The following PCBP3 variants were observed in gnomAD, a reference collection of about 807,000 sequenced individuals.
PCBP3 encodes the protein poly(rC)-binding protein 3.
A neutral mutation model predicts 52.7 loss-of-function variants in PCBP3; 25 were observed. The observed-to-expected ratio is 0.47, with a 90% CI of 0.35 to 0.66. PCBP3 has a LOEUF of 0.66. Ranked by LOEUF, PCBP3 falls within the 30% of genes least tolerant of loss-of-function variation. The pLI is 0.01. For synonymous variants in PCBP3, 162 were observed against 183.0 expected, an observed-to-expected ratio of 0.89 and a Z score of 0.93; for missense variants, 391 against 490.3, an observed-to-expected ratio of 0.80 and a Z score of 1.91.
At position 45,704,017 on chromosome 21, in the gene PCBP3, A is replaced by C. The variant is rs879481390; in HGVS notation, c.-199-31375A>C. ...GAGGTTGCGAGTGGTTGATGGATGAAATTACCAAGTAGGGAGTACAAGGAG... is the reference window on the plus strand; with the variant it reads ...GAGGTTGCGAGTGGTTGATGGATGACATTACCAAGTAGGGAGTACAAGGAG... On this transcript the variant is annotated intron_variant, in intron 2 of 17. Coordinates refer to ENST00000681687, the MANE Select transcript of PCBP3 (RefSeq NM_001384156.1). The surrounding 1 kb of genome is among the most constrained non-coding windows in gnomAD (Gnocchi z 4.1). 4.6e-5 allele frequency among the ~76,000 whole-genome samples: 7 copies of C among 152,118 alleles called. No individual in the cohort carries two copies. The highest frequency in any genetic ancestry group is 1.3e-4 in the Admixed American group (2 of 15,272).
At chr21:45,814,032 C>A (rs1424336964) in intron 4 of PCBP3, among the ~76,000 whole-genome samples, 1 of 152,232 alleles carries the variant, frequency 6.6e-6, no homozygotes, top group Non-Finnish European at 1.5e-5. Context: ...TGGTGCAGCC[C>A]ACTACACACC....
chr21:45,797,872 A>C (rs74474116), intron 4 of PCBP3, among the ~76,000 whole-genome samples: 26 of 47,960 alleles, frequency 5.4e-4, no homozygotes, highest in South Asian at 1.3e-3. Context: ...ATGGATCCAT[A>C]GAGAGAGTGA....
At chr21:45,740,761 CAT>C (rs933342125) in intron 3 of PCBP3, among the ~76,000 whole-genome samples, 11 of 151,792 alleles carry the variant, frequency 7.2e-5, no homozygotes, top group South Asian at 6.3e-4. Flanking sequence ...AAGGTGTGTG[CAT>C]GTGTGTGTGG....
At chr21:45,682,883 C>T (rs934574141) in intron 2 of PCBP3, among the ~76,000 whole-genome samples, 1 of 152,098 alleles carries the variant, frequency 6.6e-6, no homozygotes, top group Non-Finnish European at 1.5e-5. Flanking sequence ...AAAAGATAAA[C>T]TGGAGATTCA....
At chr21:45,665,367 C>T (rs2080727382) in intron 1 of PCBP3, among the ~76,000 whole-genome samples, 1 of 152,000 alleles carries the variant, frequency 6.6e-6, no homozygotes, top group South Asian at 2.1e-4. Context: ...TTGATCACAC[C>T]ATTGCACCCC....
rs1294234535 is a variant in PCBP3 at position 45,704,107 on chromosome 21, G to T, written c.-199-31285G>T. ...GTCAAGAGGTCAGAAGGGAAGACAC[G>T]TTTATCTTGAGTTGGGAAGAACAAA... On this transcript the variant is annotated intron_variant, in intron 2 of 17. Transcript: ENST00000681687. The surrounding 1 kb of genome is among the most constrained non-coding windows in gnomAD (Gnocchi z 4.1). Among the ~76,000 whole-genome samples, 2 of 152,182 alleles carry T rather than the reference G, an allele frequency of 1.3e-5. No individual in the cohort carries two copies. Among genetic ancestry groups the T allele is most frequent in the East Asian group, 1.9e-4 (1 of 5,176 alleles).
At chr21:45,750,234 C>A (rs1267321441) in intron 3 of PCBP3, 1 of 152,348 alleles carries the variant, frequency 6.6e-6, no homozygotes. Flanking sequence ...AATAAACCAT[C>A]TGCAAGAAGC....
intron 1 of PCBP3, among the ~76,000 whole-genome samples, chr21:45,661,012 G>T (rs1405089617): frequency 6.6e-6 from 1 of 152,048 alleles, no homozygotes; most frequent in African/African-American, 2.4e-5. Flanking sequence ...TTGCACTACA[G>T]CCTAGGAGAC....
chr21:45,889,541 T>C lies in PCBP3; in HGVS notation c.11-6667T>C, dbSNP rs114086054. Among the ~76,000 whole-genome samples the C allele has an allele frequency of 5.2e-3, 795 of 152,306 alleles. 5 individuals are homozygous for C. Among genetic ancestry groups the C allele is most frequent in the African/African-American group, 0.018 (758 of 41,572 alleles). ...TGCCTGGCACCCCTTCCTCCCCTCC[T>C]CATGGCCAGGGCCACGGCCAGCCTC... On this transcript the variant is annotated intron_variant, in intron 5 of 17. Transcript: ENST00000681687.
intron 2 of PCBP3, among the ~76,000 whole-genome samples, chr21:45,674,212 A>G (rs1603233541): frequency 1.3e-5 from 2 of 152,136 alleles, no homozygotes; most frequent in Admixed American, 6.5e-5. Context: ...ATACCTCCAC[A>G]ATGTTTAGTT....
chr21:45,803,771 A>G (rs1343982009), intron 4 of PCBP3, among the ~76,000 whole-genome samples: 2 of 152,194 alleles, frequency 1.3e-5, no homozygotes, highest in Non-Finnish European at 2.9e-5. Context: ...TCCAGGACCC[A>G]GATGGTGACA....
At chr21:45,785,311 G>A (rs551161238) in intron 4 of PCBP3, among the ~76,000 whole-genome samples, 8 of 150,640 alleles carry the variant, frequency 5.3e-5, no homozygotes, top group East Asian at 2.0e-4. Context: ...CCCCCCGCCC[G>A]GCCAGCCGCC....
intron 5 of PCBP3, among the ~76,000 whole-genome samples, chr21:45,888,024 C>T (rs1020823170): frequency 3.9e-5 from 6 of 152,194 alleles, no homozygotes; most frequent in Middle Eastern, 3.2e-3. Context: ...TGGGCATTTC[C>T]GGAGGGGGCT....
intron 5 of PCBP3, among the ~76,000 whole-genome samples, chr21:45,856,933 C>T (rs931937887): frequency 3.3e-5 from 5 of 152,256 alleles, no homozygotes; most frequent in Non-Finnish European, 5.9e-5. Flanking sequence ...TTCTTGCTGA[C>T]GGTTGAGTTT....
chr21:45,933,119 A>T (rs1222085302), intron 15 of PCBP3, among the ~76,000 whole-genome samples: 1 of 152,200 alleles, frequency 6.6e-6, no homozygotes, highest in African/African-American at 2.4e-5. Flanking sequence ...CCATCCTGAG[A>T]TGAATGAACA....
At chr21:45,859,946 G>C (rs1160473266) in intron 5 of PCBP3, among the ~76,000 whole-genome samples, 1 of 152,226 alleles carries the variant, frequency 6.6e-6, no homozygotes, top group African/African-American at 2.4e-5. Flanking sequence ...CACAGCAGCT[G>C]TGCACCAGGA....
intron 2 of PCBP3, among the ~76,000 whole-genome samples, chr21:45,712,108 C>A (rs1021582207): frequency 5.9e-5 from 9 of 152,152 alleles, no homozygotes; most frequent in African/African-American, 2.2e-4. Context: ...GAATAATATT[C>A]TGTTGTATAA....
Position 45,896,341 on chromosome 21 carries a change from C to G in PCBP3, c.144C>G (p.Ile48Met). ...GTGGCCTGAATGTGACCCTCACCAT[C>G]CGCCTGCTGATGCATGGAAAGGTAA... is the stretch of plus-strand genomic sequence containing the variant. ...SEGGLNVTLT[I>M]RLLMHGKEVG... Residue 48 changes from isoleucine (I) to methionine (M), a missense_variant, in exon 6 of 18, where the codon ATC becomes ATG. Physicochemically the swap from Ile to Met is conservative, Grantham distance 10. Coordinates refer to ENST00000681687, the MANE Select transcript of PCBP3 (RefSeq NM_001384156.1). The G allele has an allele frequency of 1.3e-6, 2 of 1,551,926 alleles. No homozygotes were observed.
intron 5 of PCBP3, among the ~76,000 whole-genome samples, chr21:45,863,030 AC>A (rs2094568220): frequency 6.6e-6 from 1 of 152,018 alleles, no homozygotes; most frequent in South Asian, 2.1e-4. Flanking sequence ...CACCCCACCT[AC>A]CTGGGGCACA....
Sources: allele counts gnomAD v4.1 joint callset (sites outside exome capture counted in the v4.1 genomes callset), GRCh38; gene constraint gnomAD v4.1.1; non-coding constraint Gnocchi (gnomAD v3.1); transcripts MANE v1.5; gene names NCBI Gene and HGNC (gene_info 2026-07-23, HGNC 2026-07-21).